Variants in EXOC6B observed in about 807,000 individuals in gnomAD.
The protein encoded by EXOC6B is SEC15 homolog B.
Under a neutral mutation model 113.5 loss-of-function variants are expected in EXOC6B, and 54 were observed. The observed-to-expected ratio is 0.48, with a 90% CI of 0.38 to 0.60. The LOEUF (loss-of-function observed/expected upper bound fraction) is 0.60, where lower values mean the gene tolerates loss of function less well. Among genes scored for constraint, EXOC6B ranks in the 20% least tolerant of loss-of-function variants. The pLI is 0.00. For synonymous variants in EXOC6B, 357 were observed against 339.0 expected, an observed-to-expected ratio of 1.05 and a Z score of -0.58; for missense variants, 797 against 977.5, an observed-to-expected ratio of 0.82 and a Z score of 2.46.
intron 19 of EXOC6B, among the ~76,000 whole-genome samples, chr2:72,368,117 A>C (rs1229311571): frequency 1.3e-5 from 2 of 152,162 alleles, no homozygotes; most frequent in Non-Finnish European, 2.9e-5. Flanking sequence ...CAGGCAGTGC[A>C]GCTCATAGCT....
At chr2:72,181,180 G>A in intron 21 of EXOC6B, among the ~76,000 whole-genome samples, 1 of 150,428 alleles carries the variant, frequency 6.6e-6, no homozygotes, top group Admixed American at 6.6e-5. Flanking sequence ...CTGCACTCCA[G>A]TCTGGGTGGC....
intron 20 of EXOC6B, among the ~76,000 whole-genome samples, chr2:72,233,994 C>T (rs1681798132): frequency 6.6e-6 from 1 of 152,128 alleles, no homozygotes. Flanking sequence ...ATCCACCGGA[C>T]ACTGGTAGCC....
At chr2:72,598,301 A>G (rs911186976) in intron 6 of EXOC6B, among the ~76,000 whole-genome samples, 5 of 152,130 alleles carry the variant, frequency 3.3e-5, no homozygotes, top group Admixed American at 3.3e-4. Context: ...ATTAAACAAC[A>G]TACTTCTAAA....
intron 11 of EXOC6B, among the ~76,000 whole-genome samples, chr2:72,503,910 T>C (rs1430685908): frequency 2.0e-5 from 3 of 151,828 alleles, no homozygotes; most frequent in Admixed American, 1.3e-4. Flanking sequence ...AGCATCTTTC[T>C]TTTTTTTCTT....
rs376641110 is a variant in EXOC6B, at chr2:72,734,736, A to C, written c.280-1618T>G. ...AGTAATACCACACTATGAAATTTAC[A>C]ATTGGATGCCACATTTTAAGAAGGC... On this transcript the variant is annotated intron_variant, in intron 2 of 21. Transcript: ENST00000272427. Among the ~76,000 whole-genome samples the C allele has an allele frequency of 3.9e-5, 6 of 152,184 alleles. No homozygotes were observed. The East Asian group carries it at 9.6e-4, about 24-fold the overall frequency.
intron 18 of EXOC6B, among the ~76,000 whole-genome samples, chr2:72,461,143 G>A (rs1255456060): frequency 6.8e-6 from 1 of 146,108 alleles, no homozygotes; most frequent in African/African-American, 2.5e-5. Flanking sequence ...TCATTCATAG[G>A]TGGGAATTGA....
chr2:72,451,311 C>T (rs1696899102), intron 18 of EXOC6B, among the ~76,000 whole-genome samples: 1 of 152,120 alleles, frequency 6.6e-6, no homozygotes, highest in Admixed American at 6.6e-5. Context: ...GACTGCTTCC[C>T]ATTTTCAGAT....
intron 19 of EXOC6B, among the ~76,000 whole-genome samples, chr2:72,378,453 C>T (rs969616571): frequency 3.9e-5 from 6 of 152,168 alleles, no homozygotes; most frequent in Admixed American, 2.6e-4. Flanking sequence ...GCAAGATTAC[C>T]TTATGTGTTT....
chr2:72,746,442 A>G (rs1269528991), intron 1 of EXOC6B, among the ~76,000 whole-genome samples: 2 of 152,060 alleles, frequency 1.3e-5, no homozygotes, highest in Non-Finnish European at 2.9e-5. Context: ...AAAGTAAATT[A>G]TTTATCCTCG....
chr2:72,404,778 G>A (rs114805989), intron 18 of EXOC6B, among the ~76,000 whole-genome samples: 7,224 of 152,216 alleles, frequency 0.047, 236 homozygotes, highest in Non-Finnish European at 0.073. Context: ...TAGAAAAACT[G>A]GAAAGTCTAA....
At chr2:72,557,319 A>G (rs1573388070) in intron 8 of EXOC6B, among the ~76,000 whole-genome samples, 2 of 126,256 alleles carry the variant, frequency 1.6e-5, no homozygotes, top group Admixed American at 8.4e-5. Context: ...TTATGAACTG[A>G]TAATAGAGTG....
At chr2:72,330,044 T>C (rs1688340762) in intron 20 of EXOC6B, among the ~76,000 whole-genome samples, 1 of 152,050 alleles carries the variant, frequency 6.6e-6, no homozygotes, top group African/African-American at 2.4e-5. Flanking sequence ...GCAAGCTCCA[T>C]TCGCGAGATC....
At chr2:72,622,163 A>G (rs376483723) in intron 6 of EXOC6B, among the ~76,000 whole-genome samples, 6 of 151,542 alleles carry the variant, frequency 4.0e-5, no homozygotes, top group African/African-American at 1.5e-4. Context: ...GATTATTTTC[A>G]TATTACACAC....
Position 72,205,934 on chromosome 2 carries a change from C to T in EXOC6B, c.2197-21747G>A, listed in dbSNP as rs144428788. On this transcript the variant is annotated intron_variant, in intron 20 of 21. Coordinates refer to ENST00000272427, the MANE Select transcript of EXOC6B (RefSeq NM_015189.3). Reference sequence around the variant, plus strand: ...GTCAATCTCTGGTCCCCAGGGGCAACCTGTGTTCAAAACTCTGGCCTGGAC... The same window carrying T: ...GTCAATCTCTGGTCCCCAGGGGCAATCTGTGTTCAAAACTCTGGCCTGGAC... Among the ~76,000 whole-genome samples the T allele has an allele frequency of 3.9e-3, 595 of 152,260 alleles. 3 individuals are homozygous for T. The highest frequency in any genetic ancestry group is 0.013 in the South Asian group (61 of 4,824).
intron 19 of EXOC6B, among the ~76,000 whole-genome samples, chr2:72,356,781 T>C (rs1689991130): frequency 6.6e-6 from 1 of 152,112 alleles, no homozygotes; most frequent in African/African-American, 2.4e-5. Flanking sequence ...GCCATTTCAC[T>C]TTCCATGGTT....
intron 6 of EXOC6B, among the ~76,000 whole-genome samples, chr2:72,595,292 T>G (rs1992800): frequency 0.67 from 95,873 of 142,686 alleles, 34,584 homozygotes; most frequent in East Asian, 0.97. Context: ...TAGATATATA[T>G]ATCTATATAT....
chr2:72,458,980 T>C (rs1377900890), intron 18 of EXOC6B, among the ~76,000 whole-genome samples: 1 of 152,000 alleles, frequency 6.6e-6, no homozygotes, highest in Non-Finnish European at 1.5e-5. Context: ...ACCCCCAGCA[T>C]TATAAAAGCT....
chr2:72,697,541 G>A (rs1470774145), intron 6 of EXOC6B, among the ~76,000 whole-genome samples: 5 of 151,918 alleles, frequency 3.3e-5, no homozygotes, highest in Admixed American at 2.0e-4. Flanking sequence ...AAAATTAGCC[G>A]GGCATGGTGG....
intron 1 of EXOC6B, among the ~76,000 whole-genome samples, chr2:72,775,467 A>G (rs1302019885): frequency 6.6e-6 from 1 of 152,250 alleles, no homozygotes; most frequent in Non-Finnish European, 1.5e-5. Context: ...AGTCAGGGTC[A>G]AAGACCAAAT....
Sources: allele counts gnomAD v4.1 joint callset (sites outside exome capture counted in the v4.1 genomes callset), GRCh38; gene constraint gnomAD v4.1.1; transcripts MANE v1.5; gene names NCBI Gene and HGNC (gene_info 2026-07-23, HGNC 2026-07-21).